The following CFAP20DC variants were observed in gnomAD, a reference collection of about 807,000 sequenced individuals.
CFAP20DC encodes protein CFAP20DC.
CFAP20DC carries 84 observed loss-of-function variants against 101.7 expected under a neutral mutation model. The ratio of observed to expected loss-of-function variants is 0.83; its 90% CI spans 0.69 to 0.99. CFAP20DC has a LOEUF of 0.99. Ranked by LOEUF, CFAP20DC falls within the 50% of genes least tolerant of loss-of-function variation. The pLI is 0.00. For synonymous variants in CFAP20DC, 359 were observed against 351.2 expected (o/e 1.02, Z -0.25); for missense variants, 1,007 against 970.3 (o/e 1.04, Z -0.50).
intron 13 of CFAP20DC, among the ~76,000 whole-genome samples, chr3:58,838,026 C>A (rs1405314322): frequency 1.3e-5 from 2 of 152,126 alleles, no homozygotes; most frequent in Non-Finnish European, 2.9e-5. Context: ...AAGAGTTTAA[C>A]CTGACTCATT....
chr3:58,838,531 G>C (rs540336859), intron 13 of CFAP20DC, among the ~76,000 whole-genome samples: 8 of 152,286 alleles, frequency 5.3e-5, no homozygotes, highest in Admixed American at 5.2e-4. Flanking sequence ...TAAAGAGATA[G>C]ATAACTTTCC....
At position 58,828,599 on chromosome 3, in the gene CFAP20DC, G is replaced by A. The variant is rs115827372; in HGVS notation, c.2175+3087C>T. Among the ~76,000 whole-genome samples the A allele has an allele frequency of 8.6e-3, 1,313 of 152,182 alleles. 19 individuals carry two copies. The highest frequency in any genetic ancestry group is 0.03 in the African/African-American group (1,235 of 41,510). On this transcript the variant is annotated intron_variant, in intron 14 of 16. Transcript: ENST00000482387. ...ACTTATAAGCAGGAGCTAAACATCA[G>A]GTACTCATGGAAATAAATATGTCAA...
At chr3:58,750,132 T>A (rs918322560) in intron 16 of CFAP20DC, among the ~76,000 whole-genome samples, 24 of 152,204 alleles carry the variant, frequency 1.6e-4, no homozygotes, top group African/African-American at 4.8e-4. Flanking sequence ...GAGCAGAAAC[T>A]GGCTGTGACA....
chr3:58,959,217 C>A (rs1055804075), intron 4 of CFAP20DC, among the ~76,000 whole-genome samples: 1 of 152,210 alleles, frequency 6.6e-6, no homozygotes. Flanking sequence ...GCCTCAGCCT[C>A]CCAAATAGCT....
intron 6 of CFAP20DC, among the ~76,000 whole-genome samples, chr3:58,911,878 C>T (rs1348258686): frequency 1.3e-5 from 2 of 152,038 alleles, no homozygotes; most frequent in Non-Finnish European, 2.9e-5. Flanking sequence ...CCTATAGCAA[C>T]CCGTACAGAA....
chr3:59,035,228 C>T lies in CFAP20DC; in HGVS notation c.278+4329G>A, dbSNP rs368358780. ...GTAAATTTATAGCACTAAATGCCCA[C>T]ATCAGAAAGCGGGAAAGATCTAAAA... On this transcript the variant is annotated intron_variant, in intron 4 of 16. Transcript: ENST00000482387. Among the ~76,000 whole-genome samples the T allele has an allele frequency of 3.3e-5, 5 of 152,278 alleles. No individual in the cohort carries two copies. The East Asian group carries it at 5.8e-4, about 18-fold the overall frequency.
chr3:58,990,347 G>C (rs549484245), intron 4 of CFAP20DC, among the ~76,000 whole-genome samples: 1 of 152,228 alleles, frequency 6.6e-6, no homozygotes, highest in Admixed American at 6.5e-5. Context: ...CTAATGAGTT[G>C]TAGTTGGTTT....
intron 13 of CFAP20DC, among the ~76,000 whole-genome samples, chr3:58,840,814 C>T (rs773634084): frequency 6.6e-6 from 1 of 152,170 alleles, no homozygotes; most frequent in Non-Finnish European, 1.5e-5. Flanking sequence ...TCAAAACAAC[C>T]TTGTGGGATA....
chr3:58,810,942 C>A, intron 14 of CFAP20DC, among the ~76,000 whole-genome samples: 1 of 151,940 alleles, frequency 6.6e-6, no homozygotes, highest in Non-Finnish European at 1.5e-5. Context: ...CATGAGTGAA[C>A]TCCCATGCAC....
chr3:58,959,183 C>T (rs2090914044), intron 4 of CFAP20DC, among the ~76,000 whole-genome samples: 1 of 152,236 alleles, frequency 6.6e-6, no homozygotes, highest in South Asian at 2.1e-4. Context: ...CAACCTCCGC[C>T]TCCCCAGTTT....
chr3:58,736,773 C>T (rs1035874771), intron 3 of CFAP20DC, among the ~76,000 whole-genome samples: 4 of 152,174 alleles, frequency 2.6e-5, no homozygotes, highest in Non-Finnish European at 5.9e-5. Flanking sequence ...CTGATGAAAA[C>T]CAATCAATAC....
rs1343443427 is a variant in CFAP20DC, at chr3:58,813,212, G to A, written c.2176-6756C>T. 5.3e-5 allele frequency among the ~76,000 whole-genome samples: 8 copies of A among 151,708 alleles called. 2 individuals are homozygous for A. Among genetic ancestry groups the A allele is most frequent in the African/African-American group, 1.9e-4 (8 of 41,126 alleles). On this transcript the variant is annotated intron_variant, in intron 14 of 16. Transcript: ENST00000482387. ...TGAAATCTCAAATTTTCCCTCCACAGGAAACCTTTCAGTTACATTTCAAAA... is the reference window on the plus strand; with the variant it reads ...TGAAATCTCAAATTTTCCCTCCACAAGAAACCTTTCAGTTACATTTCAAAA...
intron 13 of CFAP20DC, among the ~76,000 whole-genome samples, chr3:58,847,577 A>C (rs551323580): frequency 6.6e-6 from 1 of 152,244 alleles, no homozygotes; most frequent in East Asian, 1.9e-4. Flanking sequence ...TGGGACTGTA[A>C]ACTAGTTCAA....
chr3:58,974,561 C>A (rs1005737985), intron 4 of CFAP20DC, among the ~76,000 whole-genome samples: 1 of 152,066 alleles, frequency 6.6e-6, no homozygotes, highest in African/African-American at 2.4e-5. Context: ...ATGGCAGATG[C>A]ACCTGAATAT....
intron 4 of CFAP20DC, among the ~76,000 whole-genome samples, chr3:59,021,444 T>G (rs570091609): frequency 1.2e-4 from 19 of 152,094 alleles, no homozygotes; most frequent in African/African-American, 4.6e-4. Context: ...GACTGTCAAG[T>G]GTCTATAATT....
At chr3:59,009,350 A>T (rs2093524183) in intron 4 of CFAP20DC, among the ~76,000 whole-genome samples, 1 of 152,150 alleles carries the variant, frequency 6.6e-6, no homozygotes, top group Non-Finnish European at 1.5e-5. Context: ...CCAGATAAAA[A>T]ATTCAGAAGG....
At chr3:58,716,759 T>G (rs2067404974), downstream of CFAP20DC, among the ~76,000 whole-genome samples, 1 of 152,108 alleles carries the variant, frequency 6.6e-6, no homozygotes. Context: ...CAGAGAAGCT[T>G]GCACAGCAAC....
chr3:59,010,989 A>T (rs2093568533), intron 4 of CFAP20DC, among the ~76,000 whole-genome samples: 1 of 152,222 alleles, frequency 6.6e-6, no homozygotes, highest in Non-Finnish European at 1.5e-5. Flanking sequence ...TCAAGATGGA[A>T]ATGAAAAAAT....
At position 58,849,117 on chromosome 3, in the gene CFAP20DC, G is replaced by A; in HGVS notation, c.1886C>T (p.Ser629Leu). The change falls in exon 13 of 17, where the codon TCA becomes TTA. Residue 629 changes from serine to leucine, a missense_variant. Ser to Leu is a moderately radical substitution (Grantham distance 145, BLOSUM62 -2). Transcript: ENST00000482387. ...TAGTGAAGCTGGCACTTGCTGGGCT[G>A]ATAGATCCTTCGCTTTGATTACGGG... is the stretch of plus-strand genomic sequence containing the variant. ...PEPVIKAKDL[S>L]AQQVPASLNK... 1.3e-6 allele frequency: 2 copies of A among 1,536,078 alleles called. No individual in the cohort carries two copies. Among genetic ancestry groups the A allele is most frequent in the Non-Finnish European group, 1.7e-6 (2 of 1,146,916 alleles).
Sources: gnomAD v4.1 joint callset for allele counts (sites outside exome capture counted in the v4.1 genomes callset) on GRCh38, gnomAD v4.1.1 for gene constraint, MANE v1.5 for transcripts, NCBI Gene and HGNC (gene_info 2026-07-23, HGNC 2026-07-21) for gene names.